Variants in USH2A observed in about 807,000 individuals in gnomAD.
USH2A encodes the protein usherin, also known as Usher syndrome 2A (autosomal recessive, mild).
A neutral mutation model predicts 538.9 loss-of-function variants in USH2A; 443 were observed. That is an observed-to-expected ratio of 0.82 (90% confidence interval 0.76 to 0.89). The LOEUF is 0.89. Among genes scored for constraint, USH2A ranks in the 40% least tolerant of loss-of-function variants. USH2A has a pLI of 0.00. For missense variants in USH2A, 6,633 were observed against 6,324.8 expected, an observed-to-expected ratio of 1.05 and a Z score of -1.65; for synonymous variants, 2,413 against 2,273.5, an observed-to-expected ratio of 1.06 and a Z score of -1.75.
At chr1:215,821,613 T>C (rs1663016831) in intron 47 of USH2A, among the ~76,000 whole-genome samples, 1 of 151,864 alleles carries the variant, frequency 6.6e-6, no homozygotes, top group Non-Finnish European at 1.5e-5. Context: ...CTTTTTAGCC[T>C]GATGTAATCC....
At chr1:215,768,120 A>G (rs1661183631) in intron 55 of USH2A, among the ~76,000 whole-genome samples, 1 of 152,168 alleles carries the variant, frequency 6.6e-6, no homozygotes, top group Non-Finnish European at 1.5e-5. Context: ...CTCAAATACT[A>G]CATTTTAAAA....
At chr1:215,909,192 T>C in intron 38 of USH2A, among the ~76,000 whole-genome samples, 1 of 151,646 alleles carries the variant, frequency 6.6e-6, no homozygotes, top group Admixed American at 6.6e-5. Flanking sequence ...CAAATTAAAA[T>C]GGTTTTTATT....
chr1:216,386,865 A>C (rs1049547765), intron 3 of USH2A, among the ~76,000 whole-genome samples: 1 of 152,088 alleles, frequency 6.6e-6, no homozygotes. Flanking sequence ...AATGAGAAAA[A>C]AATAATAATA....
At chr1:216,047,790 T>A (rs1469475311) in intron 31 of USH2A, among the ~76,000 whole-genome samples, 3 of 152,174 alleles carry the variant, frequency 2.0e-5, no homozygotes, top group Non-Finnish European at 4.4e-5. Context: ...GTATAAGATA[T>A]GTACAATTCC....
At chr1:215,784,054 A>AT (rs377240782) in intron 52 of USH2A, among the ~76,000 whole-genome samples, 2 of 152,100 alleles carry the variant, frequency 1.3e-5, no homozygotes, top group Admixed American at 6.5e-5. Flanking sequence ...TTCCTTTTCC[A>AT]TTTTTTTCTG....
chr1:216,040,214 T>G (rs191121483), intron 32 of USH2A, among the ~76,000 whole-genome samples: 186 of 152,146 alleles, frequency 1.2e-3, no homozygotes, highest in Middle Eastern at 6.8e-3. Context: ...GTCACTCTTA[T>G]TTAACTATAA....
At chr1:215,721,145 G>T (rs570401884) in intron 61 of USH2A, among the ~76,000 whole-genome samples, 2 of 152,000 alleles carry the variant, frequency 1.3e-5, no homozygotes, top group Non-Finnish European at 2.9e-5. Context: ...TGCAATCTCG[G>T]CTCTCTGCAG....
intron 21 of USH2A, among the ~76,000 whole-genome samples, chr1:216,151,439 C>T (rs989493425): frequency 8.6e-5 from 13 of 151,988 alleles, no homozygotes; most frequent in East Asian, 1.9e-4. Flanking sequence ...CTCATGACAC[C>T]GACATGACAA....
rs758420991 is a variant in USH2A at position 215,728,077 on chromosome 1, C to T, written c.12019G>A (p.Asp4007Asn). 4 of 1,614,106 alleles carry T rather than the reference C, an allele frequency of 2.5e-6. No individual in the cohort carries two copies. The highest frequency in any genetic ancestry group is 3.4e-6 in the Non-Finnish European group (4 of 1,180,032). Residue 4007 changes from aspartate to asparagine, a missense_variant, in exon 61 of 72, where the codon GAC becomes AAC. Physicochemically the swap from Asp to Asn is conservative, Grantham distance 23. Transcript: ENST00000307340. ...GTAGGGCTGTTAAATGTAGGATCGT[C>T]GGGTCTCTCCTGGTAGACCACACGG... Reference protein sequence around the residue: ...HYRVVYQERPDDPTFNSPTVH... With the variant: ...HYRVVYQERPNDPTFNSPTVH...
intron 20 of USH2A, among the ~76,000 whole-genome samples, chr1:216,176,242 A>C (rs2034380201): frequency 6.6e-6 from 1 of 150,674 alleles, no homozygotes; most frequent in African/African-American, 2.4e-5. Context: ...TTTTTTTTTT[A>C]GAGATGGAGT....
chr1:215,774,174 A>C (rs892967993), intron 55 of USH2A, among the ~76,000 whole-genome samples: 12 of 152,132 alleles, frequency 7.9e-5, no homozygotes, highest in Admixed American at 2.0e-4. Flanking sequence ...GGACTCTTGC[A>C]TTGCACATGC....
intron 47 of USH2A, among the ~76,000 whole-genome samples, chr1:215,819,763 G>C (rs1035968010): frequency 4.6e-5 from 7 of 151,766 alleles, no homozygotes; most frequent in Non-Finnish European, 8.9e-5. Context: ...ACTGTTAAGT[G>C]AGACCGCCTA....
At chr1:215,887,919 G>A (rs1286105389) in intron 41 of USH2A, among the ~76,000 whole-genome samples, 1 of 152,176 alleles carries the variant, frequency 6.6e-6, no homozygotes, top group African/African-American at 2.4e-5. Context: ...CAAAACAATG[G>A]TAGTTATCCT....
At chr1:215,792,875 T>G (rs1662020168) in intron 50 of USH2A, among the ~76,000 whole-genome samples, 1 of 152,242 alleles carries the variant, frequency 6.6e-6, no homozygotes. Flanking sequence ...TGGTCCATTC[T>G]TCCAGAGCCT....
intron 21 of USH2A, among the ~76,000 whole-genome samples, chr1:216,104,664 A>G (rs2032687622): frequency 6.6e-6 from 1 of 152,208 alleles, no homozygotes; most frequent in South Asian, 2.1e-4. Flanking sequence ...TTATACAAAA[A>G]TTAATTCAAG....
intron 43 of USH2A, among the ~76,000 whole-genome samples, chr1:215,872,981 C>T (rs1379433379): frequency 6.6e-6 from 1 of 152,074 alleles, no homozygotes; most frequent in Non-Finnish European, 1.5e-5. Flanking sequence ...GTACAGCCTG[C>T]AGAACCATGA....
At chr1:216,346,476 A>G (rs2038177970) in intron 4 of USH2A, among the ~76,000 whole-genome samples, 1 of 152,094 alleles carries the variant, frequency 6.6e-6, no homozygotes, top group South Asian at 2.1e-4. Context: ...ACATTAGGAA[A>G]GAGCTTTGGT....
chr1:215,737,298 CAT>C (rs1453947610), intron 60 of USH2A, among the ~76,000 whole-genome samples: 2 of 151,862 alleles, frequency 1.3e-5, no homozygotes, highest in Non-Finnish European at 1.5e-5. Flanking sequence ...GTGAAAATTA[CAT>C]ATGCCATGAG....
At chr1:215,666,126 A>G (rs1407391660) in intron 64 of USH2A, among the ~76,000 whole-genome samples, 5 of 152,234 alleles carry the variant, frequency 3.3e-5, no homozygotes, top group African/African-American at 1.2e-4. Flanking sequence ...TATCCTTCAG[A>G]ATCCCAGAAT....
Sources: allele counts gnomAD v4.1 joint callset (sites outside exome capture counted in the v4.1 genomes callset), GRCh38; gene constraint gnomAD v4.1.1; transcripts MANE v1.5; gene names NCBI Gene and HGNC (gene_info 2026-07-23, HGNC 2026-07-21).